Variants in RELCH observed in about 807,000 individuals in gnomAD.
The protein encoded by RELCH is RAB11-binding protein RELCH.
RELCH carries 41 observed loss-of-function variants against 150.3 expected under a neutral mutation model. The ratio of observed to expected loss-of-function variants is 0.27; its 90% CI spans 0.21 to 0.35. The LOEUF (loss-of-function observed/expected upper bound fraction) is 0.35. Ranked by LOEUF, RELCH falls within the 10% of genes least tolerant of loss-of-function variation. RELCH has a pLI of 1.00. For missense variants in RELCH, 1,092 were observed against 1,467.8 expected (o/e 0.74, Z 4.18); for synonymous variants, 478 against 531.8 (o/e 0.90, Z 1.39).
chr18:62,213,546 A>G (rs963188309), intron 2 of RELCH, among the ~76,000 whole-genome samples: 1 of 152,086 alleles, frequency 6.6e-6, no homozygotes, highest in African/African-American at 2.4e-5. Context: ...CCTGACCAAT[A>G]TGGTGAAACC....
Position 62,267,478 on chromosome 18 carries a change from GTA to G in RELCH, c.2680+735_2680+736del, listed in dbSNP as rs200793738. On this transcript the variant is annotated intron_variant, in intron 19 of 28. Transcript: ENST00000644646. ...TGTATAGAATATATATATAGTCTAG[GTA>G]TATATGTGTGTGTGTGTGTGTGTGT... Among the ~76,000 whole-genome samples, 567 of 101,418 alleles carry G rather than the reference GTA, an allele frequency of 5.6e-3. 7 individuals are homozygous for G. Among genetic ancestry groups the G allele is most frequent in the African/African-American group, 0.019 (493 of 25,912 alleles). The allele number at this position is 101,418 out of a possible 152,430, so 66.5% of individuals were successfully genotyped here.
chr18:62,261,500 T>A lies in RELCH; in HGVS notation c.2203-11T>A, dbSNP rs1270117130. On this transcript the variant is annotated splice_polypyrimidine_tract_variant and intron_variant, in intron 15 of 28. Transcript: ENST00000644646. Reference sequence around the variant, plus strand: ...AAGACTAAAATTAGCTTCCACCTCCTTATGTTTCAGGAAGGAGAACATGGA... The same window carrying A: ...AAGACTAAAATTAGCTTCCACCTCCATATGTTTCAGGAAGGAGAACATGGA... 14 of 1,609,548 alleles carry A rather than the reference T, an allele frequency of 8.7e-6. No homozygotes were observed. The highest frequency in any genetic ancestry group is 1.2e-5 in the Non-Finnish European group (14 of 1,177,552).
intron 28 of RELCH, among the ~76,000 whole-genome samples, chr18:62,301,183 A>C (rs1225533694): frequency 6.6e-6 from 1 of 152,230 alleles, no homozygotes; most frequent in African/African-American, 2.4e-5. Flanking sequence ...CAAAAGTTAC[A>C]GAGGAGCGTG....
At chr18:62,260,466 G>A (rs1161951750) in intron 15 of RELCH, among the ~76,000 whole-genome samples, 2 of 151,086 alleles carry the variant, frequency 1.3e-5, no homozygotes, top group Non-Finnish European at 3.0e-5. Context: ...CAGCCACTAT[G>A]GAAAACAGTG....
intron 10 of RELCH, among the ~76,000 whole-genome samples, chr18:62,239,785 T>C (rs2042050312): frequency 1.3e-5 from 2 of 152,090 alleles, no homozygotes; most frequent in South Asian, 4.1e-4. Context: ...TTTGCATTAT[T>C]GTTTTCCTTA....
Position 62,232,363 on chromosome 18 carries a change from TTA to T in RELCH, c.1558_1559del (p.Met520ValfsTer35). 6.2e-7 allele frequency: 1 copy of T among 1,611,844 alleles called. No individual in the cohort carries two copies. The highest frequency in any genetic ancestry group is 8.5e-7 in the Non-Finnish European group (1 of 1,178,554). ...CGTATTGCAGACAGTGAAAAAAGCGTTATGTTAATGCTGGGACGCTGCCTGCC... is the reference window on the plus strand; with the variant it reads ...CGTATTGCAGACAGTGAAAAAAGCGTTGTTAATGCTGGGACGCTGCCTGCC... On this transcript the variant is annotated frameshift_variant, in exon 10 of 29. Transcript: ENST00000644646. LOFTEE classifies it high-confidence loss of function.
intron 24 of RELCH, among the ~76,000 whole-genome samples, 170 bp from the exon 25 acceptor site, chr18:62,282,136 A>G (rs1246564931): frequency 1.3e-5 from 2 of 152,192 alleles, no homozygotes; most frequent in Non-Finnish European, 2.9e-5. Flanking sequence ...ACCTTCTCTG[A>G]GCCAAAAGAT....
intron 27 of RELCH, among the ~76,000 whole-genome samples, chr18:62,292,907 A>G (rs2045224156): frequency 1.3e-5 from 2 of 152,208 alleles, no homozygotes; most frequent in African/African-American, 2.4e-5. Context: ...GTTTCTCACT[A>G]CAGCCAAAGT....
In RELCH at chr18:62,287,408, C is replaced by A. The variant is rs764407663; in HGVS notation, c.3311C>A (p.Ser1104Tyr). The change falls in exon 26 of 29, where the codon TCT becomes TAT. Residue 1104 changes from serine to tyrosine, a missense_variant. By Grantham distance (144) the Ser-to-Tyr change is moderately radical. Coordinates refer to ENST00000644646, the MANE Select transcript of RELCH (RefSeq NM_001346231.2). ...ALVNNLQIVD[S>Y]KRLDIATHLF... ...GTGAACAACTTACAGATTGTGGATTCTAAAAGACTGGACATTGCTACGCAT... is the reference window on the plus strand; with the variant it reads ...GTGAACAACTTACAGATTGTGGATTATAAAAGACTGGACATTGCTACGCAT... 2.5e-6 allele frequency: 4 copies of A among 1,610,738 alleles called. No homozygotes were observed. Among genetic ancestry groups the A allele is most frequent in the Non-Finnish European group, 2.5e-6 (3 of 1,177,774 alleles).
intron 17 of RELCH, 46 bp downstream of exon 17, chr18:62,264,191 T>C (rs758429844): frequency 1.7e-5 from 25 of 1,479,294 alleles, no homozygotes; most frequent in Non-Finnish European, 2.1e-5. Context: ...ATAACTCTTA[T>C]ATTTAGCCTT....
chr18:62,198,590 C>G (rs1437467922), intron 1 of RELCH, among the ~76,000 whole-genome samples: 1 of 152,148 alleles, frequency 6.6e-6, no homozygotes, highest in African/African-American at 2.4e-5. Flanking sequence ...TGCTTGTGAG[C>G]TCCCTTAGTT....
chr18:62,293,989 T>C (rs1397811825), intron 27 of RELCH, among the ~76,000 whole-genome samples: 1 of 152,160 alleles, frequency 6.6e-6, no homozygotes, highest in Non-Finnish European at 1.5e-5. Flanking sequence ...TATTCTTATA[T>C]GATTTGCTTT....
At chr18:62,241,149 T>A (rs2042129811) in intron 10 of RELCH, among the ~76,000 whole-genome samples, 2 of 152,182 alleles carry the variant, frequency 1.3e-5, no homozygotes, top group Admixed American at 1.3e-4. Flanking sequence ...CAACTCTTTG[T>A]CTCCTTGCAG....
At chr18:62,211,928 T>A (rs1227163752) in intron 2 of RELCH, among the ~76,000 whole-genome samples, 1 of 151,934 alleles carries the variant, frequency 6.6e-6, no homozygotes, top group East Asian at 1.9e-4. Context: ...AAAAAGAGGG[T>A]TAAAGAGGGT....
chr18:62,215,237 A>G (rs1211098214), intron 2 of RELCH, among the ~76,000 whole-genome samples: 2 of 152,194 alleles, frequency 1.3e-5, no homozygotes, highest in African/African-American at 4.8e-5. Flanking sequence ...ATAACAGAAT[A>G]AACTGTGTCT....
At chr18:62,217,837 G>T (rs966160261) in intron 2 of RELCH, among the ~76,000 whole-genome samples, 1 of 152,066 alleles carries the variant, frequency 6.6e-6, no homozygotes, top group African/African-American at 2.4e-5. Flanking sequence ...AAGAACAATA[G>T]TGGGAAGAAT....
chr18:62,240,934 C>CA (rs1025432381), intron 10 of RELCH, among the ~76,000 whole-genome samples: 2 of 151,674 alleles, frequency 1.3e-5, no homozygotes, highest in African/African-American at 4.8e-5. Context: ...TGAGGGAAAG[C>CA]AAAAAAAGAA....
In RELCH at chr18:62,264,802, T is replaced by C; in HGVS notation, c.2581T>C (p.Phe861Leu). Residue 861 changes from phenylalanine to leucine, a missense_variant, in exon 18 of 29, where the codon TTT becomes CTT. Physicochemically the swap from Phe to Leu is conservative, Grantham distance 22. Transcript: ENST00000644646. ...TGCCTGTGTCCATGAATTCTCCAGA[T>C]TTTTCTGGCGCCTTTGCCGGACATT... Reference protein sequence around the residue: ...STACVHEFSRFFWRLCRTFGK... With the variant: ...STACVHEFSRLFWRLCRTFGK... 6.2e-7 allele frequency: 1 copy of C among 1,609,862 alleles called. No individual in the cohort carries two copies. The highest frequency in any genetic ancestry group is 8.5e-7 in the Non-Finnish European group (1 of 1,177,796).
intron 1 of RELCH, among the ~76,000 whole-genome samples, chr18:62,199,722 C>T (rs747771143): frequency 3.3e-5 from 5 of 152,180 alleles, no homozygotes; most frequent in Admixed American, 1.3e-4. Flanking sequence ...GCGATCAGAA[C>T]CTGGATGCTC....
Sources: allele counts gnomAD v4.1 joint callset (sites outside exome capture counted in the v4.1 genomes callset), GRCh38; gene constraint gnomAD v4.1.1; transcripts MANE v1.5; gene names NCBI Gene and HGNC (gene_info 2026-07-23, HGNC 2026-07-21).